The following DMD variants were observed in gnomAD, a reference collection of about 807,000 sequenced individuals.
DMD encodes mutant dystrophin.
Under a neutral mutation model 330.1 loss-of-function variants are expected in DMD, and 63 were observed. The ratio of observed to expected loss-of-function variants is 0.19; its 90% CI spans 0.16 to 0.24. The LOEUF is 0.24. Ranked by LOEUF, DMD falls within the 10% of genes least tolerant of loss-of-function variation. The pLI is 1.00. For synonymous variants in DMD, 1,223 were observed against 959.8 expected, an observed-to-expected ratio of 1.27 and a Z score of -5.07; for missense variants, 3,344 against 2,684.1, an observed-to-expected ratio of 1.25 and a Z score of -5.43.
chrX:32,978,793 A>G (rs1330958420), intron 2 of DMD, among the ~76,000 whole-genome samples: 1 of 112,168 alleles, frequency 8.9e-6, no homozygotes, highest in African/African-American at 3.2e-5. Flanking sequence ...CAAGGTTTCA[A>G]GTAACAATTT....
At chrX:31,822,558 G>A (rs1330228383) in intron 49 of DMD, among the ~76,000 whole-genome samples, 3 of 110,473 alleles carry the variant, frequency 2.7e-5, no homozygotes, top group Non-Finnish European at 5.7e-5. Context: ...TTATCAGAAG[G>A]GTGCAGAGAT....
At chrX:33,131,316 T>C (rs1037268308) in intron 1 of DMD, among the ~76,000 whole-genome samples, 2 of 111,113 alleles carry the variant, frequency 1.8e-5, no homozygotes, top group Admixed American at 1.9e-4. Context: ...AAAAACCCAG[T>C]GCCCAAACTG....
intron 60 of DMD, among the ~76,000 whole-genome samples, chrX:31,360,054 A>G (rs1420077677): frequency 9.2e-6 from 1 of 108,492 alleles, no homozygotes; most frequent in African/African-American, 3.5e-5. Context: ...GAGTAGAATG[A>G]GCAATTTTTT....
At chrX:32,458,753 G>A (rs150495382) in intron 25 of DMD, among the ~76,000 whole-genome samples, 1,464 of 111,528 alleles carry the variant, frequency 0.013, 31 homozygotes, top group African/African-American at 0.045. Context: ...GATTAGTGAT[G>A]CACCTTTTCA....
chrX:32,584,978 A>T (rs1255895991), intron 13 of DMD, among the ~76,000 whole-genome samples: 4 of 111,870 alleles, frequency 3.6e-5, no homozygotes, highest in Non-Finnish European at 7.5e-5. Context: ...AACAGATAAC[A>T]GGTTATATAT....
intron 62 of DMD, among the ~76,000 whole-genome samples, chrX:31,316,507 T>G (rs1428280989): frequency 1.8e-5 from 2 of 111,529 alleles, no homozygotes; most frequent in Non-Finnish European, 3.8e-5. Context: ...GTTTTTTTCA[T>G]GAACCTATGA....
chrX:32,460,923 G>A lies in DMD; in HGVS notation c.3432+2516C>T, dbSNP rs7891769. The stretch of plus-strand genomic sequence containing the variant: ...CCACTAAACTATTATCTCCGTGAAG[G>A]TAACTACAATGTCTATTTTATTCCC... On this transcript the variant is annotated intron_variant, in intron 25 of 78. Coordinates refer to ENST00000357033, the MANE Select transcript of DMD (RefSeq NM_004006.3). 0.079 allele frequency among the ~76,000 whole-genome samples: 8,842 copies of A among 111,335 alleles called. 834 individuals carry two copies. The highest frequency in any genetic ancestry group is 0.26 in the African/African-American group (8,065 of 30,564).
chrX:31,159,320 C>G (rs1162434409), intron 74 of DMD, among the ~76,000 whole-genome samples: 1 of 111,005 alleles, frequency 9.0e-6, no homozygotes, highest in Non-Finnish European at 1.9e-5. Context: ...CCTTGATTTA[C>G]CAGGAAATTA....
At chrX:32,948,147 C>T (rs1352034663) in intron 2 of DMD, among the ~76,000 whole-genome samples, 3 of 108,307 alleles carry the variant, frequency 2.8e-5, no homozygotes, top group African/African-American at 1.0e-4. Context: ...CACACACACA[C>T]ACCAGGGACG....
chrX:32,184,959 C>T (rs1174616363), intron 44 of DMD, among the ~76,000 whole-genome samples: 1 of 107,695 alleles, frequency 9.3e-6, no homozygotes, highest in Non-Finnish European at 1.9e-5. Flanking sequence ...TTCATGTACT[C>T]CCAGGTTACT....
intron 52 of DMD, among the ~76,000 whole-genome samples, chrX:31,680,899 C>G (rs1328448549): frequency 8.9e-6 from 1 of 111,877 alleles, no homozygotes; most frequent in South Asian, 3.7e-4. Context: ...ATACAGAAAA[C>G]AAGTAATAAA....
At chrX:32,436,719 A>G (rs2148179507) in intron 29 of DMD, among the ~76,000 whole-genome samples, 1 of 111,176 alleles carries the variant, frequency 9.0e-6, no homozygotes, top group South Asian at 3.8e-4. Context: ...TGGGAGGCCA[A>G]GGCAAGTGGA....
intron 2 of DMD, among the ~76,000 whole-genome samples, chrX:33,003,599 G>A (rs1258524757): frequency 1.9e-5 from 2 of 103,860 alleles, no homozygotes; most frequent in Non-Finnish European, 3.8e-5. Flanking sequence ...AAGTTGCTTC[G>A]TATTTTCTTT....
chrX:33,310,632 TAC>T (rs2053834677), intron 1 of DMD, among the ~76,000 whole-genome samples: 1 of 111,505 alleles, frequency 9.0e-6, no homozygotes, highest in African/African-American at 3.2e-5. Context: ...TCTTAGCAGA[TAC>T]AGTCAATTAA....
At chrX:33,327,089 C>T (rs1256523918) in intron 1 of DMD, among the ~76,000 whole-genome samples, 3 of 112,268 alleles carry the variant, frequency 2.7e-5, no homozygotes, top group Non-Finnish European at 5.6e-5. Context: ...GTTTTATTGA[C>T]ATTCCTATTT....
intron 34 of DMD, among the ~76,000 whole-genome samples, chrX:32,371,059 ATT>A (rs769983577): frequency 3.5e-4 from 39 of 111,139 alleles, no homozygotes; most frequent in Non-Finnish European, 6.6e-4. Context: ...TTCTCGGGTG[ATT>A]TTGATGTGCA....
intron 49 of DMD, among the ~76,000 whole-genome samples, chrX:31,826,440 C>T (rs187216382): frequency 2.0e-3 from 225 of 112,300 alleles, no homozygotes; most frequent in Middle Eastern, 9.3e-3. Context: ...GTTTGGTGTA[C>T]TGTAGAGTTG....
intron 13 of DMD, among the ~76,000 whole-genome samples, chrX:32,588,747 A>G (rs1165498849): frequency 8.9e-6 from 1 of 111,823 alleles, no homozygotes; most frequent in Non-Finnish European, 1.9e-5. Flanking sequence ...AAGAACAAAG[A>G]TGAAATAATA....
chrX:33,178,233 C>G (rs1049753930), intron 1 of DMD, among the ~76,000 whole-genome samples: 1 of 112,166 alleles, frequency 8.9e-6, no homozygotes, highest in African/African-American at 3.2e-5. Flanking sequence ...TTGGACAAAC[C>G]CTTTCACTCT....
Sources: gnomAD v4.1 joint callset for allele counts (sites outside exome capture counted in the v4.1 genomes callset) on GRCh38, gnomAD v4.1.1 for gene constraint, MANE v1.5 for transcripts, NCBI Gene and HGNC (gene_info 2026-07-23, HGNC 2026-07-21) for gene names.